GMPR: variants seen among roughly 807,000 people sequenced by gnomAD.
GMPR encodes GMP reductase 1.
GMPR carries 31 observed loss-of-function variants against 38.4 expected under a neutral mutation model. That is an observed-to-expected ratio of 0.81 (90% confidence interval 0.61 to 1.09). The LOEUF (loss-of-function observed/expected upper bound fraction) is 1.09, where lower values mean the gene tolerates loss of function less well. Among genes scored for constraint, GMPR ranks in the 50% least tolerant of loss-of-function variants. The probability of loss-of-function intolerance (pLI) is 0.00; values close to 1 mark genes in which losing one functional copy is unlikely to be tolerated. For synonymous variants in GMPR, 162 were observed against 173.3 expected, an observed-to-expected ratio of 0.93 and a Z score of 0.51; for missense variants, 468 against 453.7, an observed-to-expected ratio of 1.03 and a Z score of -0.29.
chr6:16,270,639 C>G (rs945954199), intron 4 of GMPR, among the ~76,000 whole-genome samples: 2 of 152,200 alleles, frequency 1.3e-5, no homozygotes, highest in African/African-American at 4.8e-5. Context: ...TTTTGCCCTT[C>G]TTGATTTCAA....
chr6:16,249,331 C>T (rs993963752), intron 2 of GMPR, among the ~76,000 whole-genome samples: 9 of 151,890 alleles, frequency 5.9e-5, no homozygotes, highest in African/African-American at 2.2e-4. Flanking sequence ...CTACCATGCC[C>T]GGCTAATTTT....
At position 16,254,746 on chromosome 6, in the gene GMPR, T is replaced by C; in HGVS notation, c.465+11T>C. On this transcript the variant is annotated intron_variant, in intron 4 of 8. Coordinates refer to ENST00000259727, the MANE Select transcript of GMPR (RefSeq NM_006877.4). Reference sequence around the variant, plus strand: ...GAACACACCATTATGGTAAGTACGGTAGAACATTACGGTAGAACATTCTCA... The same window carrying C: ...GAACACACCATTATGGTAAGTACGGCAGAACATTACGGTAGAACATTCTCA... 6.3e-7 allele frequency: 1 copy of C among 1,597,804 alleles called. No individual in the cohort carries two copies. Among genetic ancestry groups the C allele is most frequent in the Non-Finnish European group, 8.6e-7 (1 of 1,165,284 alleles).
intron 1 of GMPR, among the ~76,000 whole-genome samples, chr6:16,246,482 A>C (rs1205014056): frequency 6.6e-6 from 1 of 152,138 alleles, no homozygotes; most frequent in Non-Finnish European, 1.5e-5. Context: ...TTGTTCCAGG[A>C]GGAGGGCCAT....
chr6:16,288,963 C>T (rs987060119), intron 7 of GMPR, among the ~76,000 whole-genome samples: 2 of 152,232 alleles, frequency 1.3e-5, no homozygotes, highest in African/African-American at 2.4e-5. Flanking sequence ...AAACAGACCA[C>T]TCACTCTACC....
rs1377133085 is a variant in GMPR, at chr6:16,250,300, C to G, written c.224C>G (p.Ala75Gly). 1.9e-6 allele frequency: 3 copies of G among 1,604,118 alleles called. No homozygotes were observed. In the South Asian group the frequency reaches 3.3e-5, roughly 18 times the overall value. The change falls in exon 3 of 9, where the codon GCA becomes GGA. Residue 75 changes from alanine to glycine, a missense_variant. Coordinates refer to ENST00000259727, the MANE Select transcript of GMPR (RefSeq NM_006877.4). Reference sequence around the variant, plus strand: ...GTTTTCTAGCACTCCATGTTTACAGCAATTCATAAGCATTACTCCCTGGAT... The same window carrying G: ...GTTTTCTAGCACTCCATGTTTACAGGAATTCATAAGCATTACTCCCTGGAT... ...AVMSQHSMFT[A>G]IHKHYSLDDW...
intron 4 of GMPR, among the ~76,000 whole-genome samples, chr6:16,255,556 C>T (rs1019420005): frequency 6.6e-6 from 1 of 152,072 alleles, no homozygotes; most frequent in African/African-American, 2.4e-5. Context: ...TTGACTTTTC[C>T]TGTATTTTCC....
intron 5 of GMPR, among the ~76,000 whole-genome samples, chr6:16,277,591 GC>G (rs1246861034): frequency 6.6e-6 from 1 of 152,214 alleles, no homozygotes; most frequent in African/African-American, 2.4e-5. Context: ...TATTTATAGT[GC>G]CTTATTGTAT....
intron 4 of GMPR, among the ~76,000 whole-genome samples, chr6:16,266,047 C>CT (rs1561826786): frequency 6.6e-6 from 1 of 151,858 alleles, no homozygotes; most frequent in Non-Finnish European, 1.5e-5. Flanking sequence ...AGTGAGACCA[C>CT]GAACCCAGTG....
At chr6:16,284,313 C>A (rs1759634400) in intron 6 of GMPR, among the ~76,000 whole-genome samples, 1 of 152,172 alleles carries the variant, frequency 6.6e-6, no homozygotes. Flanking sequence ...GTCACAGAGA[C>A]CCTATGTTCT....
chr6:16,246,894 G>T lies in GMPR; in HGVS notation c.140G>T (p.Gly47Val). 1 of 1,613,598 alleles carries T rather than the reference G, an allele frequency of 6.2e-7. No individual in the cohort carries two copies. The highest frequency in any genetic ancestry group is 8.5e-7 in the Non-Finnish European group (1 of 1,179,634). Residue 47 changes from glycine (G) to valine (V), a missense_variant, in exon 2 of 9, where the codon GGG (glycine) becomes GTG (valine). Physicochemically the swap from Gly to Val is moderately radical, Grantham distance 109. Transcript: ENST00000259727. Reference protein sequence around the residue: ...TFRNSKQTYSGIPIIVANMDT... With the variant: ...TFRNSKQTYSVIPIIVANMDT... ...CGAAATTCAAAGCAGACCTACTCAG[G>T]GATTCCCATCATCGTGGCCAACATG...
chr6:16,285,841 G>T lies in GMPR; in HGVS notation c.697+6G>T, dbSNP rs763703156. The T allele has an allele frequency of 6.2e-6, 10 of 1,608,170 alleles. No individual in the cohort carries two copies. Among genetic ancestry groups the T allele is most frequent in the Non-Finnish European group, 7.6e-6 (9 of 1,176,810 alleles). On this transcript the variant is annotated splice_donor_region_variant and intron_variant, in intron 7 of 8. Transcript: ENST00000259727. ...GGATGTCGCCAAAGCCTTTGGTAAG[G>T]CCGGGCCCTGGTGCAGAGGGAGGGA...
chr6:16,247,806 G>A (rs961577078), intron 2 of GMPR, among the ~76,000 whole-genome samples: 3 of 152,052 alleles, frequency 2.0e-5, no homozygotes, highest in African/African-American at 7.2e-5. Flanking sequence ...AGAGAATCAG[G>A]ATTCCAGCTG....
At chr6:16,269,132 T>C (rs9477074) in intron 4 of GMPR, among the ~76,000 whole-genome samples, 82,328 of 151,858 alleles carry the variant, frequency 0.54, 24,703 homozygotes, top group East Asian at 0.92. Context: ...AGAAAGTACT[T>C]TTAAATGGAG....
intron 7 of GMPR, among the ~76,000 whole-genome samples, chr6:16,289,238 A>G (rs950931749): frequency 7.9e-5 from 12 of 152,282 alleles, no homozygotes; most frequent in South Asian, 4.1e-4. Context: ...GCCACCTTAT[A>G]GAGCTGTTAC....
chr6:16,248,232 CAAAA>C (rs774386979), intron 2 of GMPR, among the ~76,000 whole-genome samples: 76 of 45,134 alleles, frequency 1.7e-3, no homozygotes, highest in African/African-American at 6.0e-3. Context: ...GACCCTGTCT[CAAAA>C]AAAAAAAAAA....
chr6:16,246,598 A>C (rs559058849), intron 1 of GMPR, among the ~76,000 whole-genome samples: 1 of 152,210 alleles, frequency 6.6e-6, no homozygotes, highest in South Asian at 2.1e-4. Flanking sequence ...AGGGAAGTGG[A>C]TAGAAGGAGG....
intron 4 of GMPR, among the ~76,000 whole-genome samples, chr6:16,255,276 G>A (rs1254549129): frequency 2.6e-5 from 4 of 152,128 alleles, no homozygotes; most frequent in Non-Finnish European, 5.9e-5. Flanking sequence ...ATCTCCCAAA[G>A]TGCTGAGATT....
chr6:16,241,810 T>G (rs1758653262), intron 1 of GMPR, among the ~76,000 whole-genome samples: 1 of 152,280 alleles, frequency 6.6e-6, no homozygotes. Context: ...GGTGTGATCT[T>G]GGCTCGCTGC....
intron 4 of GMPR, among the ~76,000 whole-genome samples, chr6:16,256,528 CAAA>C (rs1006257648): frequency 5.9e-5 from 2 of 33,924 alleles, no homozygotes; most frequent in Admixed American, 3.3e-4. Context: ...GACTCTGTCT[CAAA>C]AAAAAAAAAA....
Sources: allele counts gnomAD v4.1 joint callset (sites outside exome capture counted in the v4.1 genomes callset), GRCh38; gene constraint gnomAD v4.1.1; transcripts MANE v1.5; gene names NCBI Gene and HGNC (gene_info 2026-07-23, HGNC 2026-07-21).